Variants in HTR3B observed in about 807,000 individuals in gnomAD.
HTR3B encodes 5-hydroxytryptamine (serotonin) receptor 3B, ionotropic.
In HTR3B, 44 loss-of-function variants were observed where a neutral mutation model predicts 42.8. The ratio of observed to expected loss-of-function variants is 1.03; its 90% CI spans 0.81 to 1.32. The LOEUF is 1.32. Among genes scored for constraint, HTR3B ranks in the 40% most tolerant of loss-of-function variants. The pLI, the probability that HTR3B is intolerant of heterozygous loss-of-function variation, is 0.00. For missense variants in HTR3B, 527 were observed against 536.5 expected, an observed-to-expected ratio of 0.98 and a Z score of 0.17; for synonymous variants, 203 against 209.0, an observed-to-expected ratio of 0.97 and a Z score of 0.25.
chr11:113,932,748 A>AGTT (rs1950049427), intron 5 of HTR3B, among the ~76,000 whole-genome samples, 188 bp from the exon 6 acceptor site: 1 of 152,134 alleles, frequency 6.6e-6, no homozygotes, highest in Admixed American at 6.6e-5. Flanking sequence ...ATAAATTCAC[A>AGTT]GTTGTTGTTT....
chr11:113,940,987 C>T (rs575985206), intron 6 of HTR3B, among the ~76,000 whole-genome samples: 2 of 152,352 alleles, frequency 1.3e-5, no homozygotes, highest in South Asian at 2.1e-4. Context: ...CACATCCCAG[C>T]TCTGTCTCTT....
chr11:113,920,508 TAGGATTAC>T (rs1425411453), intron 2 of HTR3B, among the ~76,000 whole-genome samples: 1 of 152,082 alleles, frequency 6.6e-6, no homozygotes, highest in Non-Finnish European at 1.5e-5. Flanking sequence ...CCTAAGTAGC[TAGGATTAC>T]AGGCACCTAC....
At position 113,932,949 on chromosome 11, in the gene HTR3B, C is replaced by T. The variant is rs369276342; in HGVS notation, c.552C>T (p.Asp184=). Residue 184 remains aspartate, a synonymous_variant, in exon 6 of 9, where the codon GAC becomes GAT. Transcript: ENST00000260191. ...TGTTGTTTGCAGTGGAAGACGTAGA[C>T]CTGGCCTTTCTGAGGAGCCCAGAAG... is the stretch of plus-strand genomic sequence containing the variant. ...KSILHTVEDV[D]LAFLRSPEDI... The T allele has an allele frequency of 9.7e-5, 156 of 1,613,916 alleles. No homozygotes were observed. The highest frequency in any genetic ancestry group is 1.3e-4 in the Non-Finnish European group (153 of 1,179,990).
At chr11:113,939,990 G>T (rs1016724483) in intron 6 of HTR3B, among the ~76,000 whole-genome samples, 1 of 151,428 alleles carries the variant, frequency 6.6e-6, no homozygotes, top group African/African-American at 2.4e-5. Flanking sequence ...GAGTTCAAGC[G>T]ATTCTCCTGC....
intron 2 of HTR3B, among the ~76,000 whole-genome samples, chr11:113,925,805 G>A (rs1483196987): frequency 6.6e-6 from 1 of 151,914 alleles, no homozygotes; most frequent in Non-Finnish European, 1.5e-5. Context: ...TAAATTTACT[G>A]GAAATGTCTT....
chr11:113,919,538 C>T (rs2137501945), intron 2 of HTR3B, among the ~76,000 whole-genome samples: 1 of 152,128 alleles, frequency 6.6e-6, no homozygotes, highest in Non-Finnish European at 1.5e-5. Context: ...CTTAAGAGTA[C>T]AAGGTTTAGG....
Position 113,946,274 on chromosome 11 carries a change from G to A in HTR3B, c.*137G>A, listed in dbSNP as rs1254584588. Reference sequence around the variant, plus strand: ...CCAGTGCTTTGGGAGGCCATAGCAGGAGGATTGCTTGAGCCCAGGAGTTCG... The same window carrying A: ...CCAGTGCTTTGGGAGGCCATAGCAGAAGGATTGCTTGAGCCCAGGAGTTCG... On this transcript the variant is annotated 3_prime_UTR_variant, in exon 9 of 9. Transcript: ENST00000260191. 7.5e-6 allele frequency: 5 copies of A among 669,510 alleles called. No homozygotes were observed. The highest frequency in any genetic ancestry group is 5.2e-5 in the South Asian group (3 of 57,180). The allele number at this position is 669,510 out of a possible 1,614,324, so 41.5% of individuals were successfully genotyped here. A position where few individuals can be genotyped will look rare whatever the true frequency, so the allele number is the denominator to read the frequency against.
At chr11:113,942,885 G>A (rs186994391) in intron 6 of HTR3B, 97 bp from the exon 7 acceptor site, 38 of 956,992 alleles carry the variant, frequency 4.0e-5, no homozygotes, top group Middle Eastern at 2.2e-4. Flanking sequence ...ATGCAAAAAC[G>A]TTGGGTCTTC....
chr11:113,944,487 C>A, intron 7 of HTR3B, 86 bp from the exon 8 acceptor site: 1 of 1,314,002 alleles, frequency 7.6e-7, no homozygotes, highest in Non-Finnish European at 1.1e-6. Flanking sequence ...GGCAATAGAG[C>A]AAGACCCTGT....
At position 113,904,887 on chromosome 11, in the gene HTR3B, A is replaced by G; in HGVS notation, c.-47A>G. ...GTTAGGAGAAATTGAGCGGCATTCC[A>G]TCTGGTAGGCAAGTTTGCATTTCTC... On this transcript the variant is annotated 5_prime_UTR_variant, in exon 1 of 9. Coordinates refer to ENST00000260191, the MANE Select transcript of HTR3B (RefSeq NM_006028.5). 2.0e-6 allele frequency: 3 copies of G among 1,494,446 alleles called. No homozygotes were observed. The highest frequency in any genetic ancestry group is 2.8e-6 in the Non-Finnish European group (3 of 1,071,064). 92.6% of individuals were successfully genotyped at this position (1,494,446 alleles called of 1,614,324 possible).
In HTR3B at chr11:113,911,823, C is replaced by T. The variant is rs1050619009; in HGVS notation, c.213+2368C>T. On this transcript the variant is annotated intron_variant, in intron 2 of 8. Transcript: ENST00000260191. ...GGATTACAGGCATGAGCCACGGTGCCCGGCCATATAACCCATATCTCTATC... is the reference window on the plus strand; with the variant it reads ...GGATTACAGGCATGAGCCACGGTGCTCGGCCATATAACCCATATCTCTATC... 2.6e-5 allele frequency among the ~76,000 whole-genome samples: 4 copies of T among 152,124 alleles called. No homozygotes were observed. The East Asian group carries it at 7.7e-4, about 29-fold the overall frequency.
intron 2 of HTR3B, among the ~76,000 whole-genome samples, 199 bp from the exon 3 acceptor site, chr11:113,931,185 A>G (rs1402860077): frequency 6.6e-6 from 1 of 151,774 alleles, no homozygotes; most frequent in African/African-American, 2.4e-5. Context: ...TAGATAATAT[A>G]GTAAAGCTCA....
chr11:113,920,462 G>A (rs944342802), intron 2 of HTR3B, among the ~76,000 whole-genome samples: 5 of 151,830 alleles, frequency 3.3e-5, no homozygotes, highest in Admixed American at 1.3e-4. Context: ...AGTAACCTCC[G>A]CCTCCCGGGT....
chr11:113,934,398 GAAAGAAAGAAAA>G (rs1159268380), intron 6 of HTR3B, among the ~76,000 whole-genome samples: 1 of 137,600 alleles, frequency 7.3e-6, no homozygotes, highest in Non-Finnish European at 1.6e-5. Flanking sequence ...AAGAAAGAAG[GAAAGAAAGAAAA>G]AAAGAAAGAA....
intron 3 of HTR3B, 108 bp from the exon 4 acceptor site, chr11:113,931,650 A>G: frequency 1.3e-6 from 1 of 754,152 alleles, no homozygotes; most frequent in Non-Finnish European, 2.3e-6. Flanking sequence ...AACAGGTAGA[A>G]CCAAGAGGCT....
intron 2 of HTR3B, among the ~76,000 whole-genome samples, chr11:113,919,872 G>C (rs1949895791): frequency 6.7e-6 from 1 of 150,314 alleles, no homozygotes; most frequent in African/African-American, 2.5e-5. Context: ...ACAACAAAAA[G>C]AGTACAAGGT....
At chr11:113,917,451 T>C (rs1023973409) in intron 2 of HTR3B, among the ~76,000 whole-genome samples, 2 of 152,148 alleles carry the variant, frequency 1.3e-5, no homozygotes, top group African/African-American at 4.8e-5. Flanking sequence ...CTATTTTTTT[T>C]CTTCCAGTTG....
upstream of HTR3B, among the ~76,000 whole-genome samples, chr11:113,903,978 C>G (rs879479044): frequency 6.6e-6 from 1 of 152,114 alleles, no homozygotes; most frequent in Admixed American, 6.6e-5. Flanking sequence ...TATATACTTT[C>G]CCCCCTTCGG....
intron 2 of HTR3B, among the ~76,000 whole-genome samples, chr11:113,919,803 G>A (rs1038365967): frequency 6.6e-6 from 1 of 151,260 alleles, no homozygotes; most frequent in Non-Finnish European, 1.5e-5. Flanking sequence ...ACTCCAGCCT[G>A]GGCAACAAGA....
Sources: gnomAD v4.1 joint callset for allele counts (sites outside exome capture counted in the v4.1 genomes callset) on GRCh38, gnomAD v4.1.1 for gene constraint, MANE v1.5 for transcripts, NCBI Gene and HGNC (gene_info 2026-07-23, HGNC 2026-07-21) for gene names.